The following RHCG variants were observed in gnomAD, a reference collection of about 807,000 sequenced individuals.
The protein encoded by RHCG is Rh family C glycoprotein.
Under a neutral mutation model 55.3 loss-of-function variants are expected in RHCG, and 39 were observed. The observed-to-expected ratio is 0.70, with a 90% confidence interval of 0.55 to 0.92. The LOEUF is 0.92. Ranked by LOEUF, RHCG falls within the 40% of genes least tolerant of loss-of-function variation. The pLI, the probability that RHCG is intolerant of heterozygous loss-of-function variation, is 0.00. For missense variants in RHCG, 635 were observed against 627.9 expected, an observed-to-expected ratio of 1.01 and a Z score of -0.12; for synonymous variants, 250 against 246.8, an observed-to-expected ratio of 1.01 and a Z score of -0.12.
intron 1 of RHCG, among the ~76,000 whole-genome samples, chr15:89,494,657 G>T (rs1372970928): frequency 1.3e-5 from 2 of 151,146 alleles, no homozygotes; most frequent in African/African-American, 4.9e-5. Flanking sequence ...TTTTGAAAGG[G>T]AGAGAGATAG....
intron 2 of RHCG, 100 bp from the exon 3 acceptor site, chr15:89,483,317 A>G: frequency 8.8e-7 from 1 of 1,140,634 alleles, no homozygotes; most frequent in African/African-American, 1.6e-5. Context: ...TTGTGGCTTA[A>G]CCTTTCTGAG....
intron 2 of RHCG, chr15:89,486,244 G>A (rs911710322): frequency 2.2e-6 from 1 of 456,506 alleles, no homozygotes; most frequent in African/African-American, 2.0e-5. Context: ...GGGTGGGGGC[G>A]GTGAAGCAAG....
chr15:89,479,845 G>A, intron 4 of RHCG: 1 of 376,648 alleles, frequency 2.7e-6, no homozygotes, highest in Non-Finnish European at 4.9e-6. Context: ...CTGGAGGGCA[G>A]GGCTGGGTTT....
At chr15:89,492,427 G>A (rs550576938) in intron 1 of RHCG, among the ~76,000 whole-genome samples, 61 of 149,786 alleles carry the variant, frequency 4.1e-4, no homozygotes, top group South Asian at 1.0e-3. Flanking sequence ...CCTCCCATTC[G>A]CAGCCCAGCC....
chr15:89,476,012 G>GCTCT (rs147396388), intron 9 of RHCG, among the ~76,000 whole-genome samples: 15 of 132,718 alleles, frequency 1.1e-4, no homozygotes, highest in East Asian at 4.0e-4. Flanking sequence ...TCTTGCTCTC[G>GCTCT]CTCTCTCTCT....
In RHCG at chr15:89,496,567, C is replaced by G; in HGVS notation, c.-23G>C. 1 of 1,599,618 alleles carries G rather than the reference C, an allele frequency of 6.3e-7. No homozygotes were observed. Among genetic ancestry groups the G allele is most frequent in the Non-Finnish European group, 8.5e-7 (1 of 1,173,772 alleles). ...CATGCTGCAGGGGTGCCTGGCCGGGCTGGCAGCGGGCGGTTCGGACGCTCG... is the reference window on the plus strand; with the variant it reads ...CATGCTGCAGGGGTGCCTGGCCGGGGTGGCAGCGGGCGGTTCGGACGCTCG... On this transcript the variant is annotated 5_prime_UTR_variant, in exon 1 of 11. Coordinates refer to ENST00000268122, the MANE Select transcript of RHCG (RefSeq NM_016321.3).
At chr15:89,482,616 T>C (rs1961287473) in intron 3 of RHCG, among the ~76,000 whole-genome samples, 1 of 152,206 alleles carries the variant, frequency 6.6e-6, no homozygotes, top group Non-Finnish European at 1.5e-5. Context: ...ACTCCTGTCA[T>C]GGCCCATGTG....
chr15:89,477,268 C>A lies in RHCG; in HGVS notation c.1113-62G>T, dbSNP rs192008270. The A allele has an allele frequency of 1.3e-6, 2 of 1,600,006 alleles. No individual in the cohort carries two copies. The highest frequency in any genetic ancestry group is 1.3e-5 in the African/African-American group (1 of 74,348). On this transcript the variant is annotated intron_variant, in intron 7 of 10. Coordinates refer to ENST00000268122, the MANE Select transcript of RHCG (RefSeq NM_016321.3). This position sits in a 1 kb window ranked among gnomAD's most constrained non-coding sequence, Gnocchi z 4.5. ...GAGAGGCCAAGTAACAGCTTGCTGC[C>A]ACCCCAAAAATGTGACCGGGTACCA...
intron 10 of RHCG, among the ~76,000 whole-genome samples, chr15:89,472,155 C>T (rs766155171): frequency 3.6e-4 from 55 of 152,304 alleles, no homozygotes; most frequent in Non-Finnish European, 6.3e-4. Flanking sequence ...TGAACTTCTC[C>T]GAGCCTTAGT....
chr15:89,481,802 T>G (rs1335684627), intron 3 of RHCG, among the ~76,000 whole-genome samples: 1 of 152,164 alleles, frequency 6.6e-6, no homozygotes, highest in Admixed American at 6.5e-5. Context: ...TTTTTTTGTT[T>G]GTTTGTTTGT....
rs376144350 is a variant in RHCG at position 89,479,494 on chromosome 15, C to G, written c.671-6G>C. The G allele has an allele frequency of 2.5e-5, 40 of 1,607,626 alleles. No individual in the cohort carries two copies. The highest frequency in any genetic ancestry group is 3.1e-5 in the Non-Finnish European group (36 of 1,176,856). ...CATCCACAGGAAGAGGGTGCCTGGT[C>G]AGACCAGACAGGCCCAATGGGCCCG... On this transcript the variant is annotated splice_polypyrimidine_tract_variant and splice_region_variant and intron_variant, in intron 4 of 10. Transcript: ENST00000268122.
At chr15:89,486,564 C>CAGAGAGAGAG (rs59120813) in intron 2 of RHCG, 74 of 269,286 alleles carry the variant, frequency 2.7e-4, no homozygotes, top group East Asian at 1.5e-3. Flanking sequence ...GAGAGAGAGA[C>CAGAGAGAGAG]AGAGAGAGAG....
Position 89,477,040 on chromosome 15 carries a change from ACAG to A in RHCG, c.1237+39_1237+41del. On this transcript the variant is annotated intron_variant, in intron 8 of 10. Coordinates refer to ENST00000268122, the MANE Select transcript of RHCG (RefSeq NM_016321.3). The surrounding 1 kb of genome is among the most constrained non-coding windows in gnomAD (Gnocchi z 4.5). The stretch of plus-strand genomic sequence containing the variant: ...TTTGCTTCTCCACCCAGGGAGCCCC[ACAG>A]CAGCACCCCCCTTCTCTGGCTCAGC... 1.2e-6 allele frequency: 2 copies of A among 1,612,740 alleles called. No individual in the cohort carries two copies. The highest frequency in any genetic ancestry group is 1.7e-6 in the Non-Finnish European group (2 of 1,179,084).
chr15:89,480,196 GCCTTCACCCATCATGGCCA>G, intron 4 of RHCG, 46 bp downstream of exon 4: 7 of 1,601,892 alleles, frequency 4.4e-6, no homozygotes, highest in African/African-American at 1.3e-5. Flanking sequence ...CATCATGGCT[GCCTTCACCCATCATGGCCA>G]CCTTCACCCA....
intron 1 of RHCG, among the ~76,000 whole-genome samples, chr15:89,488,743 T>C (rs1961418360): frequency 7.0e-6 from 1 of 142,616 alleles, no homozygotes. Context: ...TACTCTAGAC[T>C]GGATTCTGTA....
Position 89,483,215 on chromosome 15 carries a change from AGGCTGTG to A in RHCG, c.372-5_373del, listed in dbSNP as rs1409127242. Reference sequence around the variant, plus strand: ...GGCCACGCAGAAGTCAGCGTTGATGAGGCTGTGGGGAGACAGGCCAGTGGAGAAGCTG... The same window carrying A: ...GGCCACGCAGAAGTCAGCGTTGATGAGGGAGACAGGCCAGTGGAGAAGCTG... On this transcript the variant is annotated splice_acceptor_variant and splice_polypyrimidine_tract_variant and coding_sequence_variant and intron_variant, in exon 3 of 11. Transcript: ENST00000268122. LOFTEE classifies it high-confidence loss of function. 5.1e-6 allele frequency: 8 copies of A among 1,571,430 alleles called. No individual in the cohort carries two copies. Among genetic ancestry groups the A allele is most frequent in the Non-Finnish European group, 6.1e-6 (7 of 1,146,896 alleles).
chr15:89,472,632 C>G, intron 10 of RHCG, 79 bp downstream of exon 10: 3 of 1,399,774 alleles, frequency 2.1e-6, no homozygotes, highest in East Asian at 4.8e-5. Context: ...TGCCTCTTTG[C>G]TAGTAACATC....
chr15:89,486,750 C>A (rs1249561415), intron 2 of RHCG, 49 bp downstream of exon 2: 3 of 1,551,584 alleles, frequency 1.9e-6, no homozygotes, highest in Admixed American at 3.5e-5. Context: ...ACCTGCCCAG[C>A]CCCATCCCTC....
chr15:89,477,478 G>A lies in RHCG; in HGVS notation c.1112+39C>T. The A allele has an allele frequency of 1.2e-6, 2 of 1,608,410 alleles. No individual in the cohort carries two copies. Among genetic ancestry groups the A allele is most frequent in the Non-Finnish European group, 1.7e-6 (2 of 1,176,584 alleles). On this transcript the variant is annotated intron_variant, in intron 7 of 10. Coordinates refer to ENST00000268122, the MANE Select transcript of RHCG (RefSeq NM_016321.3). The surrounding 1 kb of genome is among the most constrained non-coding windows in gnomAD (Gnocchi z 4.5). ...CAGGAAGAAGGGATGGGAGAAGGAA[G>A]GGGGAAGCTCCATCCCACCGCACCT...
Sources: allele counts gnomAD v4.1 joint callset (sites outside exome capture counted in the v4.1 genomes callset), GRCh38; gene constraint gnomAD v4.1.1; non-coding constraint Gnocchi (gnomAD v3.1); transcripts MANE v1.5; gene names NCBI Gene and HGNC (gene_info 2026-07-23, HGNC 2026-07-21).